The following CSMD3 variants were observed in gnomAD, a reference collection of about 807,000 sequenced individuals.
CSMD3 encodes CUB and Sushi multiple domains 3.
A neutral mutation model predicts 435.2 loss-of-function variants in CSMD3; 177 were observed. The observed-to-expected ratio is 0.41, with a 90% CI of 0.36 to 0.46. The LOEUF is 0.46. Ranked by LOEUF, CSMD3 falls within the 20% of genes least tolerant of loss-of-function variation. The pLI is 0.34. For synonymous variants in CSMD3, 1,656 were observed against 1,520.5 expected, an observed-to-expected ratio of 1.09 and a Z score of -2.07; for missense variants, 4,265 against 4,504.6, an observed-to-expected ratio of 0.95 and a Z score of 1.52.
intron 27 of CSMD3, among the ~76,000 whole-genome samples, chr8:112,526,765 G>A (rs998283686): frequency 1.1e-4 from 16 of 151,662 alleles, no homozygotes; most frequent in African/African-American, 3.9e-4. Context: ...TTTTAAAAGG[G>A]TTGTGATGTT....
chr8:112,293,770 C>T (rs537297591), intron 54 of CSMD3, among the ~76,000 whole-genome samples: 1 of 152,224 alleles, frequency 6.6e-6, no homozygotes, highest in Admixed American at 6.5e-5. Flanking sequence ...AGTAATAGTG[C>T]TTCCTAATTG....
intron 56 of CSMD3, 72 bp downstream of exon 56, chr8:112,291,438 T>A: frequency 1.9e-6 from 2 of 1,025,876 alleles, no homozygotes; most frequent in South Asian, 2.6e-5. Context: ...TTAGGTCATT[T>A]TATAAAGATG....
chr8:113,255,750 A>C (rs1290657369), intron 3 of CSMD3, among the ~76,000 whole-genome samples: 1 of 151,952 alleles, frequency 6.6e-6, no homozygotes, highest in African/African-American at 2.4e-5. Flanking sequence ...AAATATACTG[A>C]TATTATAATT....
At chr8:112,892,314 T>C (rs562319202) in intron 10 of CSMD3, among the ~76,000 whole-genome samples, 3 of 151,550 alleles carry the variant, frequency 2.0e-5, no homozygotes, top group African/African-American at 4.8e-5. Flanking sequence ...AATAACTCTA[T>C]AGAAAGATGA....
At chr8:112,658,942 G>C (rs945918781) in intron 17 of CSMD3, among the ~76,000 whole-genome samples, 1 of 152,066 alleles carries the variant, frequency 6.6e-6, no homozygotes, top group African/African-American at 2.4e-5. Flanking sequence ...GTGACAGAGT[G>C]AGACTTTGTC....
intron 31 of CSMD3, among the ~76,000 whole-genome samples, chr8:112,485,608 G>A (rs1025322192): frequency 1.3e-5 from 2 of 152,030 alleles, no homozygotes; most frequent in African/African-American, 4.8e-5. Context: ...TGAAATAAAA[G>A]TGTAGTTATT....
At chr8:112,605,227 C>A (rs1418291651) in intron 22 of CSMD3, among the ~76,000 whole-genome samples, 1 of 152,122 alleles carries the variant, frequency 6.6e-6, no homozygotes, top group African/African-American at 2.4e-5. Context: ...TTGGATATTT[C>A]TCAAAGAAGT....
intron 27 of CSMD3, among the ~76,000 whole-genome samples, chr8:112,550,083 G>A (rs1262564819): frequency 6.6e-6 from 1 of 151,646 alleles, no homozygotes; most frequent in African/African-American, 2.4e-5. Context: ...CATATATTTA[G>A]CCACTTAGCA....
At chr8:113,295,621 T>C (rs1356960500) in intron 2 of CSMD3, among the ~76,000 whole-genome samples, 2 of 152,160 alleles carry the variant, frequency 1.3e-5, no homozygotes, top group Non-Finnish European at 2.9e-5. Context: ...GGCCAGCATG[T>C]TAGCTCACGC....
chr8:112,711,775 T>A (rs2131922270), intron 13 of CSMD3, among the ~76,000 whole-genome samples: 1 of 152,170 alleles, frequency 6.6e-6, no homozygotes, highest in Non-Finnish European at 1.5e-5. Context: ...TTTTTTAGAG[T>A]CACAGTCTTG....
At chr8:112,939,547 A>G (rs1426481719) in intron 9 of CSMD3, among the ~76,000 whole-genome samples, 2 of 152,104 alleles carry the variant, frequency 1.3e-5, no homozygotes, top group Admixed American at 1.3e-4. Flanking sequence ...AATAGAACTT[A>G]AAAGTAAGTT....
At chr8:112,593,394 G>T (rs893439067) in intron 22 of CSMD3, among the ~76,000 whole-genome samples, 9 of 152,166 alleles carry the variant, frequency 5.9e-5, no homozygotes, top group Non-Finnish European at 1.0e-4. Context: ...GTAAAAGTTA[G>T]AACTTGGAGA....
chr8:112,496,494 T>C (rs1821358016), intron 30 of CSMD3, among the ~76,000 whole-genome samples: 1 of 152,170 alleles, frequency 6.6e-6, no homozygotes, highest in Non-Finnish European at 1.5e-5. Context: ...ATCGAAGAGA[T>C]ATCTGCACTC....
chr8:112,576,784 C>T (rs1829976131), intron 23 of CSMD3, among the ~76,000 whole-genome samples: 1 of 151,572 alleles, frequency 6.6e-6, no homozygotes, highest in Non-Finnish European at 1.5e-5. Context: ...CACACCTTGG[C>T]CTCCCAAAGT....
chr8:113,428,668 G>T (rs184463703), intron 1 of CSMD3, among the ~76,000 whole-genome samples: 10 of 151,788 alleles, frequency 6.6e-5, no homozygotes, highest in Non-Finnish European at 1.0e-4. Flanking sequence ...ACACAACAAA[G>T]AATTTTATCC....
intron 22 of CSMD3, among the ~76,000 whole-genome samples, chr8:112,594,005 A>C (rs1831432716): frequency 6.6e-6 from 1 of 152,098 alleles, no homozygotes; most frequent in African/African-American, 2.4e-5. Context: ...GGAATAGTAC[A>C]GGGGAGGAGC....
chr8:113,305,320 A>T (rs988325812), intron 2 of CSMD3, among the ~76,000 whole-genome samples: 8 of 152,164 alleles, frequency 5.3e-5, no homozygotes, highest in South Asian at 2.1e-4. Context: ...ATAAATTTTT[A>T]AAAAAAGAGA....
At position 112,409,008 on chromosome 8, in the gene CSMD3, A is replaced by G; in HGVS notation, c.5420T>C (p.Phe1807Ser). The G allele has an allele frequency of 6.2e-7, 1 of 1,613,598 alleles. No individual in the cohort carries two copies. Among genetic ancestry groups the G allele is most frequent in the Non-Finnish European group, 8.5e-7 (1 of 1,179,658 alleles). Residue 1807 changes from phenylalanine to serine, a missense_variant, in exon 33 of 71, where the codon TTC becomes TCC. Transcript: ENST00000297405. ...AACAACATCGTGGAGTGATGTCTGG[A>G]AAAATACAAACTGGCCAAACACCAC... ...EFVVFGQFVF[F>S]QTSLHDVVEV... is the part of the protein sequence containing the mutation.
At chr8:112,597,119 G>A (rs892913522) in intron 22 of CSMD3, among the ~76,000 whole-genome samples, 1 of 151,706 alleles carries the variant, frequency 6.6e-6, no homozygotes, top group Non-Finnish European at 1.5e-5. Context: ...TAGACCGCTA[G>A]CAAGACTAAT....
Sources: allele counts gnomAD v4.1 joint callset (sites outside exome capture counted in the v4.1 genomes callset), GRCh38; gene constraint gnomAD v4.1.1; transcripts MANE v1.5; gene names NCBI Gene and HGNC (gene_info 2026-07-23, HGNC 2026-07-21).